The following KLF12 variants were observed in gnomAD, a reference collection of about 807,000 sequenced individuals.
KLF12 encodes the protein KLF transcription factor 12.
A neutral mutation model predicts 37.8 loss-of-function variants in KLF12; 9 were observed. The observed-to-expected ratio is 0.24, with a 90% CI of 0.14 to 0.42. KLF12 has a LOEUF of 0.42. Among genes scored for constraint, KLF12 ranks in the 10% least tolerant of loss-of-function variants. KLF12 has a pLI of 1.00. For synonymous variants in KLF12, 208 were observed against 202.1 expected, an observed-to-expected ratio of 1.03 and a Z score of -0.25; for missense variants, 411 against 516.0, an observed-to-expected ratio of 0.80 and a Z score of 1.97.
chr13:74,298,910 A>G, the KLF12 span, among the ~76,000 whole-genome samples: 4 of 152,188 alleles, frequency 2.6e-5, no homozygotes, highest in South Asian at 2.1e-4. Flanking sequence ...TGAGAATTCA[A>G]TTCCATGAGG....
chr13:73,790,791 C>G (rs574403883), intron 5 of KLF12, among the ~76,000 whole-genome samples: 2 of 152,206 alleles, frequency 1.3e-5, no homozygotes, highest in Non-Finnish European at 2.9e-5. Context: ...CTCCATGTTG[C>G]AGATGTAGGT....
chr13:73,872,763 C>T (rs1365671655), intron 3 of KLF12, among the ~76,000 whole-genome samples: 1 of 152,204 alleles, frequency 6.6e-6, no homozygotes, highest in East Asian at 1.9e-4. Context: ...AAGACAGGCT[C>T]ATACGTGTTG....
At chr13:74,295,124 C>T in the KLF12 span, among the ~76,000 whole-genome samples, 1 of 152,176 alleles carries the variant, frequency 6.6e-6, no homozygotes, top group Non-Finnish European at 1.5e-5. Context: ...GATACTACTG[C>T]TTATCTGGTA....
At chr13:74,166,943 C>G in the KLF12 span, among the ~76,000 whole-genome samples, 1 of 152,196 alleles carries the variant, frequency 6.6e-6, no homozygotes, top group East Asian at 1.9e-4. Context: ...TGTTCTCTCG[C>G]TGTCTTCAGA....
chr13:73,814,216 T>C (rs114304470), intron 4 of KLF12, among the ~76,000 whole-genome samples: 86 of 152,310 alleles, frequency 5.6e-4, no homozygotes, highest in Middle Eastern at 3.4e-3. Context: ...CACTGTTAAA[T>C]TGTATGGCTG....
rs1341638323 is a variant in KLF12, at chr13:73,689,666, T to C, written c.*5824A>G. ...GTCAGTGGTACTTCAACAGACTTTT[T>C]GGGGAGAAATGATTCTGTCAATATT... is the stretch of plus-strand genomic sequence containing the variant. On this transcript the variant is annotated 3_prime_UTR_variant, in exon 8 of 8. Transcript: ENST00000377669. 1.3e-5 allele frequency: 2 copies of C among 152,138 alleles called. No individual in the cohort carries two copies. Among genetic ancestry groups the C allele is most frequent in the African/African-American group, 2.4e-5 (1 of 41,432 alleles). 9.4% of individuals were successfully genotyped at this position (152,138 alleles called of 1,614,324 possible).
At chr13:74,041,248 C>T (rs1893394746) in intron 1 of KLF12, among the ~76,000 whole-genome samples, 1 of 152,128 alleles carries the variant, frequency 6.6e-6, no homozygotes, top group Non-Finnish European at 1.5e-5. Flanking sequence ...TATTATCTAC[C>T]ATCTCTGAAT....
rs373077534 is a variant in KLF12 at position 73,944,083 on chromosome 13, G to A, written c.34-13C>T. 2 of 1,522,888 alleles carry A rather than the reference G, an allele frequency of 1.3e-6. No homozygotes were observed. The highest frequency in any genetic ancestry group is 1.4e-5 in the African/African-American group (1 of 73,270). 94.3% of individuals were successfully genotyped at this position (1,522,888 alleles called of 1,614,324 possible). A position where few individuals can be genotyped will look rare whatever the true frequency, so the allele number is the denominator to read the frequency against. On this transcript the variant is annotated splice_polypyrimidine_tract_variant and intron_variant, in intron 2 of 7. Transcript: ENST00000377669. The stretch of plus-strand genomic sequence containing the variant: ...AGGTGTTGATATTCTGAGAATAGAA[G>A]GGAGAGAGAAAGATTCAGCTCTAAA...
At chr13:74,172,094 A>C in the KLF12 span, among the ~76,000 whole-genome samples, 1 of 150,302 alleles carries the variant, frequency 6.7e-6, no homozygotes, top group Non-Finnish European at 1.5e-5. Flanking sequence ...TACAAGGAGA[A>C]CTGGTTGAGA....
chr13:73,972,323 A>C (rs1314533979), intron 2 of KLF12, among the ~76,000 whole-genome samples: 7 of 152,116 alleles, frequency 4.6e-5, no homozygotes, highest in Non-Finnish European at 1.0e-4. Flanking sequence ...TGTTCCATTA[A>C]AGAACGTCTT....
In KLF12 at chr13:73,846,254, T is replaced by A; in HGVS notation, c.243A>T (p.Pro81=). ...TGGCTTTGTTTATTGACAAGTCCACTGGCTCAGTTTGTGTTTGGAAGTGAT... is the reference window on the plus strand; with the variant it reads ...TGGCTTTGTTTATTGACAAGTCCACAGGCTCAGTTTGTGTTTGGAAGTGAT... The change falls in exon 4 of 8, where the codon CCA becomes CCT. Residue 81 remains proline (P), a synonymous_variant. Transcript: ENST00000377669. 6.2e-7 allele frequency: 1 copy of A among 1,614,122 alleles called. No homozygotes were observed. Among genetic ancestry groups the A allele is most frequent in the South Asian group, 1.1e-5 (1 of 91,080 alleles).
intron 1 of KLF12, among the ~76,000 whole-genome samples, chr13:74,051,052 C>A (rs935813643): frequency 6.6e-6 from 1 of 152,042 alleles, no homozygotes; most frequent in Admixed American, 6.6e-5. Flanking sequence ...GGTGAGACTG[C>A]GGAGAAAAGG....
At chr13:73,899,116 C>T (rs1351914177) in intron 3 of KLF12, among the ~76,000 whole-genome samples, 1 of 152,214 alleles carries the variant, frequency 6.6e-6, no homozygotes, top group East Asian at 1.9e-4. Context: ...CAGTTGGGGC[C>T]ACCCCCCAGG....
At chr13:73,980,972 C>G (rs1379396622) in intron 2 of KLF12, among the ~76,000 whole-genome samples, 1 of 152,040 alleles carries the variant, frequency 6.6e-6, no homozygotes, top group East Asian at 1.9e-4. Context: ...CCAGCCTGGG[C>G]AACGTGGCAA....
intron 1 of KLF12, among the ~76,000 whole-genome samples, chr13:74,003,182 G>A (rs931711813): frequency 1.1e-4 from 17 of 152,200 alleles, no homozygotes; most frequent in Admixed American, 4.6e-4. Context: ...GTGAAAGAAC[G>A]GAGTATAGTG....
intron 6 of KLF12, among the ~76,000 whole-genome samples, chr13:73,744,008 C>T (rs772402249): frequency 1.3e-5 from 2 of 152,296 alleles, no homozygotes; most frequent in Middle Eastern, 3.4e-3. Flanking sequence ...AGTGACCTCT[C>T]CTATTTATTT....
rs565592332 is a variant in KLF12 at position 73,893,782 on chromosome 13, A to T, written c.124-47409T>A. On this transcript the variant is annotated intron_variant, in intron 3 of 7. Transcript: ENST00000377669. ...TTGTATAATTCACCATCCAGTCAAGAAACAGGTGCTGTGCTGGGTAGGTAA... is the reference window on the plus strand; with the variant it reads ...TTGTATAATTCACCATCCAGTCAAGTAACAGGTGCTGTGCTGGGTAGGTAA... Among the ~76,000 whole-genome samples the T allele has an allele frequency of 8.5e-4, 130 of 152,322 alleles. 1 individual carries two copies. The highest frequency in any genetic ancestry group is 3.4e-3 in the Middle Eastern group (1 of 294).
chr13:74,097,709 T>G (rs1410875000), intron 1 of KLF12, among the ~76,000 whole-genome samples: 4 of 148,100 alleles, frequency 2.7e-5, no homozygotes, highest in Non-Finnish European at 6.1e-5. Flanking sequence ...TATATATATA[T>G]GTATTTGTGT....
At chr13:74,209,404 G>A in the KLF12 span, among the ~76,000 whole-genome samples, 1 of 151,908 alleles carries the variant, frequency 6.6e-6, no homozygotes, top group African/African-American at 2.4e-5. Context: ...TTGATTTTTA[G>A]CCATTTCTGA....
Sources: gnomAD v4.1 joint callset for allele counts (sites outside exome capture counted in the v4.1 genomes callset) on GRCh38, gnomAD v4.1.1 for gene constraint, MANE v1.5 for transcripts, NCBI Gene and HGNC (gene_info 2026-07-23, HGNC 2026-07-21) for gene names.